Variants in NRG1 observed in about 807,000 individuals in gnomAD.
NRG1 encodes pro-neuregulin-1, membrane-bound isoform.
Under a neutral mutation model 63.8 loss-of-function variants are expected in NRG1, and 18 were observed. The observed-to-expected ratio is 0.28, with a 90% CI of 0.19 to 0.42. The LOEUF (loss-of-function observed/expected upper bound fraction) is 0.42. NRG1 is among the 10% of genes least tolerant of loss of function. The pLI, the probability that NRG1 is intolerant of heterozygous loss-of-function variation, is 1.00. For missense variants in NRG1, 762 were observed against 814.7 expected, an observed-to-expected ratio of 0.94 and a Z score of 0.79; for synonymous variants, 302 against 301.3, an observed-to-expected ratio of 1.00 and a Z score of -0.02.
At position 32,372,302 on chromosome 8, in the gene NRG1, A is replaced by T. The variant is rs576131304; in HGVS notation, c.38-223526A>T. On this transcript the variant is annotated intron_variant, in intron 1 of 10. Transcript: ENST00000519301. ...AGTGTGCCCAGCGCTGTTTACTGAA[A>T]TTTTTTTTTTTATGATTCTGACTAT... Among the ~76,000 whole-genome samples, 201 of 147,716 alleles carry T rather than the reference A, an allele frequency of 1.4e-3. 1 individual carries two copies. Among genetic ancestry groups the T allele is most frequent in the Middle Eastern group, 3.6e-3 (1 of 274 alleles).
chr8:31,955,863 C>T (rs1402919913), intron 1 of NRG1, among the ~76,000 whole-genome samples: 1 of 151,282 alleles, frequency 6.6e-6, no homozygotes, highest in Non-Finnish European at 1.5e-5. Flanking sequence ...ATAGTGAGAC[C>T]CTGTCCCTAC....
chr8:32,227,691 G>A (rs990791950), intron 1 of NRG1, among the ~76,000 whole-genome samples: 2 of 152,186 alleles, frequency 1.3e-5, no homozygotes, highest in African/African-American at 2.4e-5. Flanking sequence ...AATCATTAAC[G>A]TCTTTCTCCC....
intron 1 of NRG1, among the ~76,000 whole-genome samples, chr8:31,997,561 T>C (rs1325063469): frequency 6.6e-6 from 1 of 152,022 alleles, no homozygotes; most frequent in African/African-American, 2.4e-5. Context: ...TTTTCACATT[T>C]AAGTGTGAGA....
chr8:32,403,729 C>A (rs1226360022), intron 1 of NRG1, among the ~76,000 whole-genome samples: 1 of 152,038 alleles, frequency 6.6e-6, no homozygotes, highest in Admixed American at 6.6e-5. Context: ...TTAATCAGAT[C>A]GACATCCTAG....
chr8:31,722,675 G>A (rs1042650441), intron 1 of NRG1, among the ~76,000 whole-genome samples: 16 of 152,098 alleles, frequency 1.1e-4, no homozygotes, highest in African/African-American at 3.1e-4. Context: ...GACCAAGACT[G>A]TTATTGTTGA....
At chr8:31,905,453 T>C (rs1290491364) in intron 1 of NRG1, among the ~76,000 whole-genome samples, 1 of 152,182 alleles carries the variant, frequency 6.6e-6, no homozygotes, top group Non-Finnish European at 1.5e-5. Context: ...TGTCACTTTG[T>C]TAGTTAAGAC....
At chr8:32,187,531 C>A (rs1193032354) in intron 1 of NRG1, among the ~76,000 whole-genome samples, 5 of 152,082 alleles carry the variant, frequency 3.3e-5, no homozygotes, top group African/African-American at 1.2e-4. Context: ...AGGGCATCAC[C>A]CTCCATAAGT....
intron 1 of NRG1, among the ~76,000 whole-genome samples, chr8:32,156,867 C>G (rs991821417): frequency 6.6e-6 from 1 of 152,132 alleles, no homozygotes; most frequent in African/African-American, 2.4e-5. Flanking sequence ...GCCTAGGAGG[C>G]TGAAGGCTTC....
At chr8:31,928,663 C>CAT (rs1208174554) in intron 1 of NRG1, among the ~76,000 whole-genome samples, 3 of 151,680 alleles carry the variant, frequency 2.0e-5, no homozygotes, top group Non-Finnish European at 2.9e-5. Flanking sequence ...CACACACACA[C>CAT]ACACACACCA....
chr8:31,955,784 T>A (rs1804261134), intron 1 of NRG1, among the ~76,000 whole-genome samples: 1 of 151,894 alleles, frequency 6.6e-6, no homozygotes, highest in Non-Finnish European at 1.5e-5. Context: ...ATGGCTGTAA[T>A]CCCAGCACTT....
intron 1 of NRG1, among the ~76,000 whole-genome samples, chr8:32,374,567 G>A (rs1809368714): frequency 6.6e-6 from 1 of 152,160 alleles, no homozygotes; most frequent in African/African-American, 2.4e-5. Context: ...AAATGACTGT[G>A]AAGTCCTTTG....
intron 1 of NRG1, among the ~76,000 whole-genome samples, chr8:32,380,147 A>G (rs939099940): frequency 2.0e-4 from 30 of 151,962 alleles, no homozygotes; most frequent in African/African-American, 7.3e-4. Flanking sequence ...TTCTTATTTT[A>G]TTATGTCTCT....
intron 1 of NRG1, among the ~76,000 whole-genome samples, chr8:32,161,052 T>A (rs556784382): frequency 5.9e-5 from 9 of 152,344 alleles, no homozygotes; most frequent in Admixed American, 3.9e-4. Context: ...GAGAATGTTG[T>A]AGCCACAAGT....
At chr8:32,753,337 G>A (rs1829078238) in intron 7 of NRG1, among the ~76,000 whole-genome samples, 1 of 152,138 alleles carries the variant, frequency 6.6e-6, no homozygotes, top group Non-Finnish European at 1.5e-5. Context: ...ACCTACCTTA[G>A]TATAATCAAC....
At chr8:32,600,059 A>G (rs960585351) in intron 2 of NRG1, among the ~76,000 whole-genome samples, 2 of 152,100 alleles carry the variant, frequency 1.3e-5, no homozygotes, top group Non-Finnish European at 2.9e-5. Flanking sequence ...GAAAATGAGA[A>G]TCCTCAGTGG....
At chr8:32,024,935 G>T (rs921182725) in intron 1 of NRG1, among the ~76,000 whole-genome samples, 5 of 152,044 alleles carry the variant, frequency 3.3e-5, no homozygotes, top group Admixed American at 1.3e-4. Context: ...ATATAAAAAA[G>T]ATATATCTGT....
At chr8:32,618,631 C>G (rs1012549993) in intron 5 of NRG1, among the ~76,000 whole-genome samples, 1 of 152,120 alleles carries the variant, frequency 6.6e-6, no homozygotes, top group Non-Finnish European at 1.5e-5. Flanking sequence ...ACATCAGTCA[C>G]CCGGGGTCAT....
At chr8:32,314,241 AAG>A (rs1307628277) in intron 1 of NRG1, among the ~76,000 whole-genome samples, 3 of 152,076 alleles carry the variant, frequency 2.0e-5, no homozygotes, top group East Asian at 1.9e-4. Context: ...GCTCTTTGGA[AAG>A]AGTCTTGGAG....
intron 1 of NRG1, among the ~76,000 whole-genome samples, chr8:32,154,925 C>T (rs1208836566): frequency 6.6e-6 from 1 of 152,172 alleles, no homozygotes; most frequent in Non-Finnish European, 1.5e-5. Context: ...TCACAACTAT[C>T]ACATTTTATA....
Sources: allele counts gnomAD v4.1 joint callset (sites outside exome capture counted in the v4.1 genomes callset), GRCh38; gene constraint gnomAD v4.1.1; transcripts MANE v1.5; gene names NCBI Gene and HGNC (gene_info 2026-07-23, HGNC 2026-07-21).